The following OTUD7A variants were observed in gnomAD, a reference collection of about 807,000 sequenced individuals.
OTUD7A encodes OTU domain-containing protein 7A.
A neutral mutation model predicts 65.7 loss-of-function variants in OTUD7A; 12 were observed. That is an observed-to-expected ratio of 0.18 (90% CI 0.12 to 0.30). OTUD7A has a LOEUF of 0.30. Ranked by LOEUF, OTUD7A falls within the 10% of genes least tolerant of loss-of-function variation. The pLI, the probability that OTUD7A is intolerant of heterozygous loss-of-function variation, is 1.00. For synonymous variants in OTUD7A, 641 were observed against 586.3 expected (o/e 1.09, Z -1.35); for missense variants, 1,148 against 1,304.8 (o/e 0.88, Z 1.85).
rs984917573 is a variant in OTUD7A at position 31,861,660 on chromosome 15, G to A, written c.-100+8847C>T. Among the ~76,000 whole-genome samples, 4 of 152,156 alleles carry A rather than the reference G, an allele frequency of 2.6e-5. No homozygotes were observed. The East Asian group carries it at 7.7e-4, about 29-fold the overall frequency. ...ACATTCAATACCTCAACAAGGTAGA[G>A]ACAGAATAATCAAGAGATTTGGGGA... is the stretch of plus-strand genomic sequence containing the variant. On this transcript the variant is annotated intron_variant, in intron 1 of 12. Coordinates refer to ENST00000307050, the MANE Select transcript of OTUD7A (RefSeq NM_001382637.1).
intron 1 of OTUD7A, among the ~76,000 whole-genome samples, chr15:31,681,429 T>C (rs1892714532): frequency 6.6e-6 from 1 of 152,004 alleles, no homozygotes; most frequent in Non-Finnish European, 1.5e-5. Flanking sequence ...TGTCTCTCTA[T>C]GCTAGAAACT....
At chr15:31,800,012 G>A (rs1476291157) in intron 1 of OTUD7A, among the ~76,000 whole-genome samples, 1 of 152,156 alleles carries the variant, frequency 6.6e-6, no homozygotes, top group Non-Finnish European at 1.5e-5. Context: ...AAAACAAGAA[G>A]GTTGTTTATT....
At chr15:31,678,403 G>GA (rs1043011120) in intron 1 of OTUD7A, among the ~76,000 whole-genome samples, 2 of 152,196 alleles carry the variant, frequency 1.3e-5, no homozygotes, top group Non-Finnish European at 2.9e-5. Flanking sequence ...AGATAATGGG[G>GA]AAAATGTCTC....
intron 10 of OTUD7A, among the ~76,000 whole-genome samples, chr15:31,491,966 G>T (rs2041322332): frequency 6.6e-6 from 1 of 152,154 alleles, no homozygotes; most frequent in African/African-American, 2.4e-5. Flanking sequence ...AAATAAAAGT[G>T]AGCAAATCAT....
At chr15:31,635,986 C>T (rs987643256) in intron 3 of OTUD7A, among the ~76,000 whole-genome samples, 13 of 152,366 alleles carry the variant, frequency 8.5e-5, no homozygotes, top group South Asian at 4.1e-4. Context: ...TTATCCCAGA[C>T]GCCAGGTGCT....
intron 1 of OTUD7A, among the ~76,000 whole-genome samples, chr15:31,726,812 A>G (rs1449102968): frequency 6.6e-6 from 1 of 152,226 alleles, no homozygotes; most frequent in African/African-American, 2.4e-5. Context: ...CTTTTTGTCA[A>G]CAGTGTTCAA....
Position 31,669,187 on chromosome 15 carries a change from C to A in OTUD7A, c.-99-12110G>T, listed in dbSNP as rs1423602681. On this transcript the variant is annotated intron_variant, in intron 1 of 12. Coordinates refer to ENST00000307050, the MANE Select transcript of OTUD7A (RefSeq NM_001382637.1). ...CAGCTGTGGTAGCATGGAGAAGAAC[C>A]AGTGGTGGGTGGGGCCCTAGAACTC... Among the ~76,000 whole-genome samples the A allele has an allele frequency of 3.3e-5, 5 of 152,290 alleles. No individual in the cohort carries two copies. In the East Asian group the frequency reaches 9.6e-4, roughly 29 times the overall value.
intron 2 of OTUD7A, 126 bp downstream of exon 2, chr15:31,656,857 T>C (rs1310545845): frequency 1.3e-5 from 2 of 152,268 alleles, no homozygotes; most frequent in African/African-American, 4.8e-5. Context: ...CCCTGAGGAC[T>C]GAGGGTCTCA....
At chr15:31,600,358 C>G (rs1036721744) in intron 3 of OTUD7A, among the ~76,000 whole-genome samples, 17 of 152,184 alleles carry the variant, frequency 1.1e-4, no homozygotes, top group African/African-American at 4.1e-4. Flanking sequence ...TCCAGCCCAA[C>G]TAAGCTTCAT....
intron 3 of OTUD7A, among the ~76,000 whole-genome samples, chr15:31,617,969 C>T (rs1355830335): frequency 6.6e-6 from 1 of 150,872 alleles, no homozygotes; most frequent in Non-Finnish European, 1.5e-5. Flanking sequence ...TGATGTTCCC[C>T]TTCCTGTGTC....
chr15:31,542,907 A>G lies in OTUD7A; in HGVS notation c.551-12099T>C, dbSNP rs377764479. Among the ~76,000 whole-genome samples, 5 of 152,088 alleles carry G rather than the reference A, an allele frequency of 3.3e-5. No individual in the cohort carries two copies. The East Asian group carries it at 7.7e-4, about 23-fold the overall frequency. On this transcript the variant is annotated intron_variant, in intron 5 of 12. Coordinates refer to ENST00000307050, the MANE Select transcript of OTUD7A (RefSeq NM_001382637.1). ...GACCCATGAAAAGTGTTTTCAAAAA[A>G]TGAGGGCAAAACAAAGACATTTTAA... is the stretch of plus-strand genomic sequence containing the variant.
chr15:31,771,978 C>T lies in OTUD7A; in HGVS notation c.-100+98529G>A, dbSNP rs940878157. ...AAAATATTTTAGAGTGGGGGCCGGG[C>T]GCGGTGGCTCACACCTGTAATCCCA... On this transcript the variant is annotated intron_variant, in intron 1 of 12. Transcript: ENST00000307050. Among the ~76,000 whole-genome samples, 6 of 152,228 alleles carry T rather than the reference C, an allele frequency of 3.9e-5. No individual in the cohort carries two copies. The South Asian group carries it at 8.3e-4, about 21-fold the overall frequency.
intron 3 of OTUD7A, among the ~76,000 whole-genome samples, chr15:31,591,341 C>T (rs1889718571): frequency 6.6e-6 from 1 of 152,126 alleles, no homozygotes; most frequent in South Asian, 2.1e-4. Context: ...CAGGAGCTTA[C>T]CTAGACAAGA....
In OTUD7A at chr15:31,664,279, A is replaced by T. The variant is rs1314399885; in HGVS notation, c.-99-7202T>A. On this transcript the variant is annotated intron_variant, in intron 1 of 12. Transcript: ENST00000307050. ...TTCCATAGTGGCTGCACTAGTTTAC[A>T]TTCCCACCAGAACATTCCCTGTTCA... 2.3e-5 allele frequency among the ~76,000 whole-genome samples: 3 copies of T among 131,492 alleles called. 1 individual carries two copies. Among genetic ancestry groups the T allele is most frequent in the Non-Finnish European group, 4.6e-5 (3 of 64,830 alleles). The allele number at this position is 131,492 out of a possible 152,430, so 86.3% of individuals were successfully genotyped here. A position where few individuals can be genotyped will look rare whatever the true frequency, so the allele number is the denominator to read the frequency against.
At chr15:31,594,317 A>G (rs1889840771) in intron 3 of OTUD7A, among the ~76,000 whole-genome samples, 1 of 152,232 alleles carries the variant, frequency 6.6e-6, no homozygotes, top group Non-Finnish European at 1.5e-5. Flanking sequence ...AAACTGAAAT[A>G]AAACTAAATC....
At chr15:31,520,823 A>C (rs2041926805) in intron 8 of OTUD7A, among the ~76,000 whole-genome samples, 1 of 152,216 alleles carries the variant, frequency 6.6e-6, no homozygotes, top group East Asian at 1.9e-4. Context: ...TCTATCAAAA[A>C]GATACCTGCA....
chr15:31,820,309 T>C (rs1400444082), intron 1 of OTUD7A, among the ~76,000 whole-genome samples: 1 of 152,234 alleles, frequency 6.6e-6, no homozygotes, highest in African/African-American at 2.4e-5. Flanking sequence ...CCACACACCA[T>C]TTGCCTTCAA....
At chr15:31,539,187 A>G (rs1438185588) in intron 5 of OTUD7A, among the ~76,000 whole-genome samples, 1 of 151,940 alleles carries the variant, frequency 6.6e-6, no homozygotes. Context: ...CATTCCTCCC[A>G]TATTCCTTCC....
At chr15:31,665,736 A>C (rs775999836) in intron 1 of OTUD7A, among the ~76,000 whole-genome samples, 2 of 152,156 alleles carry the variant, frequency 1.3e-5, no homozygotes, top group Middle Eastern at 3.2e-3. Context: ...GTCTTGTTCC[A>C]GTTCTCAGAG....
Sources: allele counts gnomAD v4.1 joint callset (sites outside exome capture counted in the v4.1 genomes callset), GRCh38; gene constraint gnomAD v4.1.1; transcripts MANE v1.5; gene names NCBI Gene and HGNC (gene_info 2026-07-23, HGNC 2026-07-21).